Variants in AOPEP observed in about 807,000 individuals in gnomAD.
The protein encoded by AOPEP is aminopeptidase O (putative), also known as aminopeptidase O.
Under a neutral mutation model 98.1 loss-of-function variants are expected in AOPEP, and 77 were observed. That is an observed-to-expected ratio of 0.78 (90% confidence interval 0.65 to 0.95). The LOEUF is 0.95. Among genes scored for constraint, AOPEP ranks in the 40% least tolerant of loss-of-function variants. AOPEP has a pLI of 0.00. For missense variants in AOPEP, 1,024 were observed against 1,024.7 expected, an observed-to-expected ratio of 1.00 and a Z score of 0.01; for synonymous variants, 346 against 365.3, an observed-to-expected ratio of 0.95 and a Z score of 0.60.
intron 5 of AOPEP, among the ~76,000 whole-genome samples, chr9:94,839,034 C>T (rs2041965206): frequency 6.6e-6 from 1 of 150,738 alleles, no homozygotes; most frequent in Admixed American, 6.6e-5. Context: ...CCTCAGCCTC[C>T]CGAGTAGGTG....
At chr9:94,735,992 A>T (rs1831670852) in intron 1 of AOPEP, among the ~76,000 whole-genome samples, 1 of 152,204 alleles carries the variant, frequency 6.6e-6, no homozygotes, top group African/African-American at 2.4e-5. Context: ...GCATGTCGGT[A>T]CTTCAGTACT....
chr9:94,917,577 G>C (rs1388602065), intron 5 of AOPEP, among the ~76,000 whole-genome samples: 2 of 152,166 alleles, frequency 1.3e-5, no homozygotes, highest in Non-Finnish European at 2.9e-5. Context: ...TCCTCTGAGA[G>C]CACTTAGAAG....
intron 14 of AOPEP, among the ~76,000 whole-genome samples, chr9:95,077,835 C>T (rs1426678720): frequency 6.6e-6 from 1 of 152,122 alleles, no homozygotes; most frequent in Non-Finnish European, 1.5e-5. Flanking sequence ...ATTGTGGGTC[C>T]TTGAGAGTTT....
chr9:95,089,692 G>A (rs1245283028), downstream of AOPEP, among the ~76,000 whole-genome samples: 1 of 152,182 alleles, frequency 6.6e-6, no homozygotes, highest in Non-Finnish European at 1.5e-5. Flanking sequence ...GGCTGGGTGG[G>A]GGCACGGGCT....
intron 10 of AOPEP, among the ~76,000 whole-genome samples, chr9:94,978,701 C>T (rs978490763): frequency 7.2e-5 from 11 of 152,020 alleles, no homozygotes; most frequent in South Asian, 6.2e-4. Context: ...AGGACACAGC[C>T]GGAGATCTGG....
chr9:94,988,085 A>G (rs1317490914), intron 11 of AOPEP, among the ~76,000 whole-genome samples: 1 of 152,128 alleles, frequency 6.6e-6, no homozygotes, highest in East Asian at 1.9e-4. Flanking sequence ...TTGGTTTCTG[A>G]CTGAACTTTC....
intron 5 of AOPEP, among the ~76,000 whole-genome samples, chr9:94,841,215 A>G (rs1437221804): frequency 7.2e-6 from 1 of 139,606 alleles, no homozygotes; most frequent in Admixed American, 7.8e-5. Context: ...TCTGTCGCCC[A>G]GGCTAGATTG....
the AOPEP span, among the ~76,000 whole-genome samples, chr9:95,128,669 C>T: frequency 6.6e-6 from 1 of 152,222 alleles, no homozygotes; most frequent in Non-Finnish European, 1.5e-5. Context: ...GCGCTGTTTT[C>T]TAGCAAAATC....
intron 13 of AOPEP, chr9:95,019,413 C>T (rs1332217487): frequency 6.6e-6 from 1 of 152,166 alleles, no homozygotes; most frequent in Non-Finnish European, 1.5e-5. Flanking sequence ...TTTTTATACG[C>T]AGTAAGTCGC....
At chr9:95,072,814 A>C (rs946072449) in intron 14 of AOPEP, among the ~76,000 whole-genome samples, 30 of 152,174 alleles carry the variant, frequency 2.0e-4, no homozygotes, top group Non-Finnish European at 4.0e-4. Flanking sequence ...TCCCAAATCC[A>C]AGATGTGGTT....
At chr9:94,952,684 G>A (rs944635675) in intron 7 of AOPEP, among the ~76,000 whole-genome samples, 2 of 152,216 alleles carry the variant, frequency 1.3e-5, no homozygotes, top group African/African-American at 4.8e-5. Flanking sequence ...AGAGATGGAA[G>A]TTTCCTGTTT....
chr9:95,007,093 G>C (rs2062086117), intron 13 of AOPEP, among the ~76,000 whole-genome samples: 1 of 151,880 alleles, frequency 6.6e-6, no homozygotes, highest in African/African-American at 2.4e-5. Context: ...GTAGAGACGG[G>C]GTTTCACTGT....
intron 9 of AOPEP, among the ~76,000 whole-genome samples, chr9:94,960,878 G>C (rs1460968722): frequency 1.3e-5 from 2 of 152,046 alleles, no homozygotes. Flanking sequence ...CGGGCGCGGT[G>C]GGGGGCGCCT....
intron 16 of AOPEP, chr9:95,085,111 C>T: frequency 2.6e-6 from 1 of 392,100 alleles, no homozygotes; most frequent in South Asian, 1.9e-5. Context: ...ACAGAAACTC[C>T]ACCTGTTTGC....
At chr9:95,076,786 A>G (rs980295643) in intron 14 of AOPEP, among the ~76,000 whole-genome samples, 1 of 152,190 alleles carries the variant, frequency 6.6e-6, no homozygotes, top group Non-Finnish European at 1.5e-5. Flanking sequence ...ATTAATCTAG[A>G]AAAAAGGATT....
chr9:94,917,070 A>G (rs2052935181), intron 5 of AOPEP, among the ~76,000 whole-genome samples: 1 of 151,714 alleles, frequency 6.6e-6, no homozygotes, highest in Non-Finnish European at 1.5e-5. Context: ...CCCCCACCCC[A>G]CCCCCAGGCT....
intron 5 of AOPEP, among the ~76,000 whole-genome samples, chr9:94,850,039 A>G (rs2043356896): frequency 6.6e-6 from 1 of 151,572 alleles, no homozygotes; most frequent in Admixed American, 6.6e-5. Flanking sequence ...CATCTCAAAA[A>G]AAAAAAAAAA....
At chr9:95,142,754 G>C in the AOPEP span, among the ~76,000 whole-genome samples, 1 of 152,118 alleles carries the variant, frequency 6.6e-6, no homozygotes, top group Admixed American at 6.5e-5. Flanking sequence ...TTAACACTCA[G>C]AGCCACCCCG....
At chr9:94,955,033 A>G in intron 7 of AOPEP, 144 bp from the exon 8 acceptor site, 1 of 527,812 alleles carries the variant, frequency 1.9e-6, no homozygotes, top group South Asian at 3.0e-5. Flanking sequence ...TATGTAATAC[A>G]AACTGTTCTA....
Sources: gnomAD v4.1 joint callset for allele counts (sites outside exome capture counted in the v4.1 genomes callset) on GRCh38, gnomAD v4.1.1 for gene constraint, MANE v1.5 for transcripts, NCBI Gene and HGNC (gene_info 2026-07-23, HGNC 2026-07-21) for gene names.